Variants in EYA3 observed in about 807,000 individuals in gnomAD.
The protein encoded by EYA3 is EYA transcriptional coactivator and phosphatase 3.
In EYA3, 39 loss-of-function variants were observed where a neutral mutation model predicts 80.0. The observed-to-expected ratio is 0.49, with a 90% confidence interval of 0.38 to 0.64. The LOEUF (loss-of-function observed/expected upper bound fraction) is 0.64. EYA3 is among the 30% of genes least tolerant of loss of function. The pLI, the probability that EYA3 is intolerant of heterozygous loss-of-function variation, is 0.00. For missense variants in EYA3, 523 were observed against 676.1 expected, an observed-to-expected ratio of 0.77 and a Z score of 2.51; for synonymous variants, 206 against 232.8, an observed-to-expected ratio of 0.88 and a Z score of 1.05.
chr1:28,017,110 T>C (rs1385578007), intron 8 of EYA3, 44 bp downstream of exon 8: 8 of 1,505,696 alleles, frequency 5.3e-6, no homozygotes, highest in Admixed American at 5.1e-5. Context: ...AAGAGCAAGC[T>C]GGATGAACTC....
chr1:28,058,019 T>C lies in EYA3; in HGVS notation c.8A>G (p.Glu3Gly). Residue 3 changes from glutamate (E) to glycine (G), a missense_variant, in exon 2 of 18, where the codon GAA becomes GGA. Physicochemically the swap from Glu to Gly is moderately conservative, Grantham distance 98. Around this residue, in one of 2 missense-constraint regions of EYA3, gnomAD observed 304 missense variants for 343.3 expected, o/e 0.89. Coordinates refer to ENST00000373871, the MANE Select transcript of EYA3 (RefSeq NM_001990.4). MEEEQDLPEQPVK... is the reference protein window; with the variant it reads MEGEQDLPEQPVK... ...TGGTTGCTCTGGTAAATCTTGCTCT[T>C]CTTCCATGAGGACCAATATTTCTTT... The C allele has an allele frequency of 6.3e-7, 1 of 1,590,292 alleles. No individual in the cohort carries two copies. Among genetic ancestry groups the C allele is most frequent in the Non-Finnish European group, 8.6e-7 (1 of 1,164,706 alleles).
At chr1:27,981,458 T>G (rs983651917) in intron 16 of EYA3, among the ~76,000 whole-genome samples, 1 of 152,156 alleles carries the variant, frequency 6.6e-6, no homozygotes, top group Non-Finnish European at 1.5e-5. Context: ...TGGGTTCCTA[T>G]GATATACATA....
intron 12 of EYA3, 139 bp from the exon 13 acceptor site, chr1:27,997,517 T>A: frequency 4.1e-6 from 3 of 736,196 alleles, no homozygotes; most frequent in African/African-American, 1.7e-5. Context: ...GTGATCACTC[T>A]CACACCCCTT....
intron 14 of EYA3, among the ~76,000 whole-genome samples, chr1:27,992,073 G>A (rs1316713179): frequency 6.6e-6 from 1 of 152,140 alleles, no homozygotes; most frequent in East Asian, 1.9e-4. Context: ...ATTTTTATCT[G>A]GTATTAGAGA....
intron 7 of EYA3, among the ~76,000 whole-genome samples, chr1:28,027,259 G>A (rs573291246): frequency 6.6e-6 from 1 of 152,258 alleles, no homozygotes; most frequent in African/African-American, 2.4e-5. Context: ...GAACTTGGAA[G>A]GTAAAGATGT....
intron 6 of EYA3, among the ~76,000 whole-genome samples, chr1:28,033,660 A>AT (rs1183310383): frequency 2.1e-4 from 21 of 98,972 alleles, no homozygotes; most frequent in South Asian, 3.3e-4. Context: ...TATTATTATT[A>AT]TTATTATTAT....
rs1348581222 is a variant in EYA3, at chr1:28,042,666, T to G, written c.78-16A>C. The G allele has an allele frequency of 2.5e-6, 4 of 1,605,256 alleles. No individual in the cohort carries two copies. Among genetic ancestry groups the G allele is most frequent in the Non-Finnish European group, 3.4e-6 (4 of 1,171,952 alleles). On this transcript the variant is annotated splice_polypyrimidine_tract_variant and intron_variant, in intron 3 of 17. Transcript: ENST00000373871. The stretch of plus-strand genomic sequence containing the variant: ...GCTTACTTGACTGGGAGAACCAAAA[T>G]GAATACATTAGCCCCTGATTGATTT...
intron 1 of EYA3, among the ~76,000 whole-genome samples, chr1:28,067,848 T>C (rs1644887576): frequency 6.6e-6 from 1 of 152,208 alleles, no homozygotes; most frequent in Admixed American, 6.5e-5. Context: ...CAAGAAAATA[T>C]ATAACAAAAG....
chr1:28,088,352 A>G (rs1019664839), intron 1 of EYA3, among the ~76,000 whole-genome samples, 172 bp downstream of exon 1: 22 of 152,174 alleles, frequency 1.4e-4, no homozygotes, highest in African/African-American at 5.1e-4. Context: ...GCTGAGGTGA[A>G]TAAGGCGAGG....
Position 28,048,351 on chromosome 1 carries a change from A to G in EYA3, c.77+32T>C, listed in dbSNP as rs771649885. 5.9e-6 allele frequency: 9 copies of G among 1,534,274 alleles called. 1 individual carries two copies. The South Asian group carries it at 9.9e-5, about 17-fold the overall frequency. On this transcript the variant is annotated intron_variant, in intron 3 of 17. Coordinates refer to ENST00000373871, the MANE Select transcript of EYA3 (RefSeq NM_001990.4). ...AAAAAAAAAAACAAAACTTATGAGT[A>G]GTTCATTAAAAAGAAAGCAAACTTT...
Position 28,027,775 on chromosome 1 carries a change from C to A in EYA3, c.499+14G>T. 6.2e-7 allele frequency: 1 copy of A among 1,613,726 alleles called. No homozygotes were observed. Among genetic ancestry groups the A allele is most frequent in the African/African-American group, 1.3e-5 (1 of 75,034 alleles). ...TAATAATTTTAAAACACACACACAA[C>A]CATGCCTATTTACCTTGAATGGGAT... On this transcript the variant is annotated intron_variant, in intron 7 of 17. Transcript: ENST00000373871.
chr1:28,046,149 G>A (rs1303103021), intron 3 of EYA3, among the ~76,000 whole-genome samples: 1 of 152,196 alleles, frequency 6.6e-6, no homozygotes, highest in African/African-American at 2.4e-5. Flanking sequence ...AGTTTGGAAA[G>A]ATGAATAAAG....
At chr1:28,015,181 T>C (rs1484255230) in intron 8 of EYA3, among the ~76,000 whole-genome samples, 2 of 152,118 alleles carry the variant, frequency 1.3e-5, no homozygotes, top group Non-Finnish European at 2.9e-5. Flanking sequence ...ACAACTATCA[T>C]TGTAAAGTAT....
At chr1:27,977,201 G>A in intron 17 of EYA3, 1 of 1,492,494 alleles carries the variant, frequency 6.7e-7, no homozygotes, top group Non-Finnish European at 8.9e-7. Context: ...CATAACATAT[G>A]TGAAAAAATA....
intron 3 of EYA3, among the ~76,000 whole-genome samples, chr1:28,047,875 G>A (rs1477072750): frequency 8.6e-5 from 13 of 151,994 alleles, no homozygotes; most frequent in African/African-American, 1.9e-4. Flanking sequence ...TCCTGACCTC[G>A]TGATCTGCCC....
At chr1:28,011,454 T>C (rs989200873) in intron 9 of EYA3, among the ~76,000 whole-genome samples, 1 of 152,160 alleles carries the variant, frequency 6.6e-6, no homozygotes, top group Non-Finnish European at 1.5e-5. Context: ...GGGGATGTCT[T>C]GTGCATTATA....
intron 1 of EYA3, among the ~76,000 whole-genome samples, chr1:28,069,437 G>A (rs1644942705): frequency 6.6e-6 from 1 of 151,802 alleles, no homozygotes; most frequent in South Asian, 2.1e-4. Context: ...TGGGGCTGGG[G>A]TCAAAGTGGG....
chr1:28,088,097 G>T (rs900987376), intron 1 of EYA3, among the ~76,000 whole-genome samples: 1 of 152,292 alleles, frequency 6.6e-6, no homozygotes, highest in Admixed American at 6.5e-5. Context: ...GAGAGGCTCA[G>T]TTTCTCGTGG....
At chr1:28,054,424 T>A (rs974602801) in intron 2 of EYA3, among the ~76,000 whole-genome samples, 4 of 152,140 alleles carry the variant, frequency 2.6e-5, no homozygotes, top group African/African-American at 4.8e-5. Context: ...ATACCTAAAT[T>A]TTTCAAAAAG....
Sources: allele counts gnomAD v4.1 joint callset (sites outside exome capture counted in the v4.1 genomes callset), GRCh38; gene constraint gnomAD v4.1.1; regional missense constraint gnomAD v4.1.1; transcripts MANE v1.5; gene names NCBI Gene and HGNC (gene_info 2026-07-23, HGNC 2026-07-21).